Variants in CAMTA1 observed in about 807,000 individuals in gnomAD.
CAMTA1 encodes calmodulin-binding transcription activator 1.
CAMTA1 carries 27 observed loss-of-function variants against 170.9 expected under a neutral mutation model. The ratio of observed to expected loss-of-function variants is 0.16; its 90% confidence interval spans 0.12 to 0.22. The LOEUF (loss-of-function observed/expected upper bound fraction) is 0.22. CAMTA1 is among the 10% of genes least tolerant of loss of function. The pLI is 1.00. For missense variants in CAMTA1, 1,619 were observed against 2,217.2 expected (o/e 0.73, Z 5.42); for synonymous variants, 833 against 891.5 (o/e 0.93, Z 1.17).
intron 3 of CAMTA1, among the ~76,000 whole-genome samples, chr1:6,902,603 A>T (rs1430782175): frequency 6.6e-6 from 1 of 152,164 alleles, no homozygotes. Flanking sequence ...AATTTTCTGT[A>T]TGGTGTTTGT....
intron 3 of CAMTA1, among the ~76,000 whole-genome samples, chr1:6,928,382 G>C (rs1386928858): frequency 6.6e-6 from 1 of 152,198 alleles, no homozygotes; most frequent in Non-Finnish European, 1.5e-5. Context: ...AGATCAGAGA[G>C]AGAATCGGGT....
chr1:7,288,413 A>T (rs891909397), intron 5 of CAMTA1, among the ~76,000 whole-genome samples: 1 of 152,234 alleles, frequency 6.6e-6, no homozygotes, highest in Non-Finnish European at 1.5e-5. Flanking sequence ...TCAGACGTTC[A>T]TCTCTGCATT....
rs1469489147 is a variant in CAMTA1 at position 7,067,210 on chromosome 1, GA to G, written c.235-24090del. Among the ~76,000 whole-genome samples the G allele has an allele frequency of 6.6e-6, 1 of 152,192 alleles. No individual in the cohort carries two copies. Among genetic ancestry groups the G allele is most frequent in the Non-Finnish European group, 1.5e-5 (1 of 68,042 alleles). ...GTAGGGCTGGTAAATCTATGGCATG[GA>G]AAAGGTGGAAGAGTTATCTCTGCTT... On this transcript the variant is annotated intron_variant, in intron 3 of 22. Transcript: ENST00000303635. The surrounding 1 kb of genome is among the most constrained non-coding windows in gnomAD (Gnocchi z 4.3).
At chr1:7,043,261 G>A (rs1035273704) in intron 3 of CAMTA1, among the ~76,000 whole-genome samples, 1 of 152,242 alleles carries the variant, frequency 6.6e-6, no homozygotes, top group Non-Finnish European at 1.5e-5. Context: ...ACCCTGAGCT[G>A]CATTCTCAAA....
At chr1:7,740,982 C>G (rs1364351286) in intron 16 of CAMTA1, among the ~76,000 whole-genome samples, 1 of 152,090 alleles carries the variant, frequency 6.6e-6, no homozygotes, top group Non-Finnish European at 1.5e-5. Context: ...GAAAAAGTGG[C>G]AAAACCGTTC....
intron 1 of CAMTA1, among the ~76,000 whole-genome samples, chr1:6,791,895 TAGAG>T (rs1641198959): frequency 6.6e-6 from 1 of 152,164 alleles, no homozygotes; most frequent in Non-Finnish European, 1.5e-5. Flanking sequence ...ATTTTGTCAT[TAGAG>T]AGAGGGACTT....
rs191164355 is a variant in CAMTA1 at position 7,484,374 on chromosome 1, C to G, written c.510+16473C>G. 1.4e-4 allele frequency among the ~76,000 whole-genome samples: 22 copies of G among 152,336 alleles called. No homozygotes were observed. In the East Asian group the frequency reaches 2.7e-3, roughly 19 times the overall value. On this transcript the variant is annotated intron_variant, in intron 6 of 22. Transcript: ENST00000303635. The stretch of plus-strand genomic sequence containing the variant: ...CACACTGACCTGGGTTCTAATCCCC[C>G]TTCTTCAACCACGTGGAGCTGTGTC...
intron 4 of CAMTA1, among the ~76,000 whole-genome samples, chr1:7,185,556 A>T (rs760786064): frequency 2.6e-5 from 4 of 152,218 alleles, no homozygotes; most frequent in East Asian, 3.8e-4. Flanking sequence ...TAGTCCTGAC[A>T]TATCTCCCCA....
At chr1:7,452,292 C>T (rs1230278742) in intron 5 of CAMTA1, among the ~76,000 whole-genome samples, 1 of 152,220 alleles carries the variant, frequency 6.6e-6, no homozygotes, top group Admixed American at 6.5e-5. Flanking sequence ...GAGGCAGCTT[C>T]CCCAGGGACT....
chr1:7,759,746 G>A (rs1366981975), intron 22 of CAMTA1, among the ~76,000 whole-genome samples: 1 of 152,140 alleles, frequency 6.6e-6, no homozygotes, highest in Non-Finnish European at 1.5e-5. Context: ...GAAAAACCAA[G>A]ATACCTCATA....
Position 7,293,822 on chromosome 1 carries a change from C to T in CAMTA1, c.438+44196C>T, listed in dbSNP as rs1375070639. ...GTTTCCAGCTCTCCCGTGCCCCTCG[C>T]TTTTCTCTGAAAACTCGGCATGCCC... On this transcript the variant is annotated intron_variant, in intron 5 of 22. Transcript: ENST00000303635. This position sits in a 1 kb window ranked among gnomAD's most constrained non-coding sequence, Gnocchi z 4.1. 6.6e-6 allele frequency among the ~76,000 whole-genome samples: 1 copy of T among 152,250 alleles called. No individual in the cohort carries two copies. The highest frequency in any genetic ancestry group is 1.5e-5 in the Non-Finnish European group (1 of 68,050).
In CAMTA1 at chr1:7,769,381, C is replaced by T. The variant is rs2097042522; in HGVS notation, c.*2890C>T. Reference sequence around the variant, plus strand: ...GCTATTGTTACCCATTCGAAATCAGCTGTACTGTGTGAACGAAATAAAGAC... The same window carrying T: ...GCTATTGTTACCCATTCGAAATCAGTTGTACTGTGTGAACGAAATAAAGAC... On this transcript the variant is annotated 3_prime_UTR_variant, in exon 23 of 23. Transcript: ENST00000303635. 1 of 152,752 alleles carries T rather than the reference C, an allele frequency of 6.5e-6. No individual in the cohort carries two copies. The highest frequency in any genetic ancestry group is 2.4e-5 in the African/African-American group (1 of 41,452). The allele number at this position is 152,752 out of a possible 1,614,324, so 9.5% of individuals were successfully genotyped here.
At chr1:7,461,905 T>C (rs1055689702) in intron 5 of CAMTA1, among the ~76,000 whole-genome samples, 4 of 152,264 alleles carry the variant, frequency 2.6e-5, no homozygotes, top group African/African-American at 9.6e-5. Context: ...CTGTATCATA[T>C]GCAGTCCATG....
At chr1:6,895,303 C>T (rs559025262) in intron 3 of CAMTA1, among the ~76,000 whole-genome samples, 1 of 152,244 alleles carries the variant, frequency 6.6e-6, no homozygotes, top group South Asian at 2.1e-4. Context: ...TGATTCTGCC[C>T]TTTTTTCCCC....
intron 3 of CAMTA1, among the ~76,000 whole-genome samples, chr1:6,967,601 T>A (rs1361188319): frequency 1.3e-5 from 2 of 152,156 alleles, no homozygotes; most frequent in African/African-American, 4.8e-5. Context: ...CAGCTTAGGC[T>A]GGTGGCCACG....
intron 7 of CAMTA1, among the ~76,000 whole-genome samples, chr1:7,644,191 C>G (rs1034266895): frequency 1.3e-5 from 2 of 152,104 alleles, no homozygotes; most frequent in Non-Finnish European, 2.9e-5. Context: ...GACCTTATGC[C>G]CTGGGAATCT....
intron 3 of CAMTA1, among the ~76,000 whole-genome samples, chr1:7,009,473 G>T (rs1699483099): frequency 1.3e-5 from 2 of 152,164 alleles, no homozygotes; most frequent in South Asian, 2.1e-4. Context: ...TCCCTGTCCG[G>T]CCCCCTCTTC....
intron 4 of CAMTA1, among the ~76,000 whole-genome samples, chr1:7,128,172 C>T (rs1383040476): frequency 6.6e-6 from 1 of 152,150 alleles, no homozygotes; most frequent in Non-Finnish European, 1.5e-5. Context: ...GGTGTGACTC[C>T]CCTGGGAGAG....
chr1:7,518,145 C>T (rs938216611), intron 6 of CAMTA1, among the ~76,000 whole-genome samples: 9 of 151,954 alleles, frequency 5.9e-5, no homozygotes, highest in African/African-American at 2.2e-4. Flanking sequence ...TTAGCAAGCA[C>T]GTGTCAGGGA....
Sources: allele counts gnomAD v4.1 joint callset (sites outside exome capture counted in the v4.1 genomes callset), GRCh38; gene constraint gnomAD v4.1.1; non-coding constraint Gnocchi (gnomAD v3.1); transcripts MANE v1.5; gene names NCBI Gene and HGNC (gene_info 2026-07-23, HGNC 2026-07-21).